TSPAN12: variants seen among roughly 807,000 people sequenced by gnomAD.
TSPAN12 encodes the protein tetraspanin-12.
In TSPAN12, 19 loss-of-function variants were observed where a neutral mutation model predicts 39.2. The observed-to-expected ratio is 0.49, with a 90% CI of 0.34 to 0.71. The LOEUF (loss-of-function observed/expected upper bound fraction) is 0.71. Among genes scored for constraint, TSPAN12 ranks in the 30% least tolerant of loss-of-function variants. TSPAN12 has a pLI of 0.01. For missense variants in TSPAN12, 314 were observed against 359.9 expected, an observed-to-expected ratio of 0.87 and a Z score of 1.03; for synonymous variants, 119 against 124.8, an observed-to-expected ratio of 0.95 and a Z score of 0.31.
intron 4 of TSPAN12, among the ~76,000 whole-genome samples, chr7:120,826,728 T>C (rs1794295137): frequency 6.6e-6 from 1 of 152,234 alleles, no homozygotes; most frequent in East Asian, 1.9e-4. Flanking sequence ...TTATTTTTAT[T>C]AAATTTTTTT....
Position 120,788,701 on chromosome 7 carries a change from T to G in TSPAN12, c.809A>C (p.His270Pro). 1 of 1,614,134 alleles carries G rather than the reference T, an allele frequency of 6.2e-7. No homozygotes were observed. The highest frequency in any genetic ancestry group is 8.5e-7 in the Non-Finnish European group (1 of 1,179,998). The change falls in exon 8 of 8, where the codon CAC (histidine) becomes CCC (proline). Residue 270 changes from histidine (H) to proline (P), a missense_variant. By Grantham distance (77) the His-to-Pro change is moderately conservative. Transcript: ENST00000222747. ...MMSLKNDNSQ[H>P]LSCPSVELLK... ...CAGTTCTACTGAGGGACATGACAGG[T>G]GCTGAGAGTTGTCATTCTTCAAGGA...
chr7:120,789,208 T>G (rs945379729), intron 7 of TSPAN12, among the ~76,000 whole-genome samples: 13 of 152,184 alleles, frequency 8.5e-5, no homozygotes, highest in African/African-American at 2.7e-4. Flanking sequence ...TTTCTTTTTT[T>G]AGAGAGACAG....
chr7:120,810,176 A>C (rs1247183796), intron 6 of TSPAN12, among the ~76,000 whole-genome samples: 1 of 152,202 alleles, frequency 6.6e-6, no homozygotes, highest in East Asian at 1.9e-4. Flanking sequence ...TATCAAGTTA[A>C]CTCTCATAAA....
chr7:120,793,582 T>A (rs1793575142), intron 7 of TSPAN12, among the ~76,000 whole-genome samples: 2 of 152,210 alleles, frequency 1.3e-5, no homozygotes, highest in African/African-American at 4.8e-5. Context: ...ACTTCAGTCC[T>A]CAAATTTGTC....
Position 120,815,665 on chromosome 7 carries a change from A to T in TSPAN12, c.360+64T>A, listed in dbSNP as rs899610321. 5.7e-6 allele frequency: 8 copies of T among 1,401,768 alleles called. No individual in the cohort carries two copies. The African/African-American group carries it at 1.1e-4, about 20-fold the overall frequency. 86.8% of individuals were successfully genotyped at this position (1,401,768 alleles called of 1,614,324 possible). A position where few individuals can be genotyped will look rare whatever the true frequency, so the allele number is the denominator to read the frequency against. ...TAGCGGAGTGAAAATGAACTAACACAAGTATCTAATTTAAAAGGCTGAACT... is the reference window on the plus strand; with the variant it reads ...TAGCGGAGTGAAAATGAACTAACACTAGTATCTAATTTAAAAGGCTGAACT... On this transcript the variant is annotated intron_variant, in intron 5 of 7. Coordinates refer to ENST00000222747, the MANE Select transcript of TSPAN12 (RefSeq NM_012338.4).
rs369042008 is a variant in TSPAN12, at chr7:120,800,231, A to G, written c.612+6318T>C. ...AAACATCATACAACACTCAACGGAGAGAATAAAACCCTCAAACAGCCCATC... is the reference window on the plus strand; with the variant it reads ...AAACATCATACAACACTCAACGGAGGGAATAAAACCCTCAAACAGCCCATC... On this transcript the variant is annotated intron_variant, in intron 7 of 7. Coordinates refer to ENST00000222747, the MANE Select transcript of TSPAN12 (RefSeq NM_012338.4). Among the ~76,000 whole-genome samples the G allele has an allele frequency of 9.2e-5, 14 of 152,204 alleles. No individual in the cohort carries two copies. In the East Asian group the frequency reaches 1.5e-3, roughly 17 times the overall value.
intron 2 of TSPAN12, among the ~76,000 whole-genome samples, chr7:120,847,407 A>G (rs1463134481): frequency 1.3e-5 from 2 of 152,244 alleles, no homozygotes; most frequent in African/African-American, 4.8e-5. Context: ...AAGGTCTACC[A>G]GATGGACAAG....
chr7:120,857,723 C>G (rs1794902510), intron 1 of TSPAN12, 97 bp downstream of exon 1: 1 of 152,158 alleles, frequency 6.6e-6, no homozygotes, highest in Non-Finnish European at 1.5e-5. Context: ...AGCCCCAGAG[C>G]CAGCCCTTAA....
intron 4 of TSPAN12, among the ~76,000 whole-genome samples, chr7:120,838,374 C>T (rs904455133): frequency 3.3e-5 from 5 of 152,156 alleles, no homozygotes; most frequent in African/African-American, 7.2e-5. Context: ...CCATTACATA[C>T]GTCTGCTACC....
At chr7:120,853,308 G>A (rs910909010) in intron 2 of TSPAN12, among the ~76,000 whole-genome samples, 4 of 151,268 alleles carry the variant, frequency 2.6e-5, no homozygotes, top group Non-Finnish European at 5.9e-5. Flanking sequence ...TGGCCAGTAT[G>A]GTCTCAATCT....
chr7:120,835,534 G>A (rs1794460584), intron 4 of TSPAN12, among the ~76,000 whole-genome samples: 1 of 152,148 alleles, frequency 6.6e-6, no homozygotes, highest in Non-Finnish European at 1.5e-5. Context: ...TACTAGCTGT[G>A]TAGACTTAGG....
At chr7:120,839,931 C>T in intron 3 of TSPAN12, 96 bp downstream of exon 3, 1 of 1,060,660 alleles carries the variant, frequency 9.4e-7, no homozygotes, top group South Asian at 1.3e-5. Context: ...AAAACTTTTC[C>T]AAAAGATCAA....
chr7:120,857,433 A>C (rs917387344), intron 1 of TSPAN12: 1 of 147,516 alleles, frequency 6.8e-6, no homozygotes, highest in Non-Finnish European at 1.5e-5. Context: ...CCCGGCTACT[A>C]GGGTTTCTCT....
chr7:120,846,100 T>G (rs1239860875), intron 2 of TSPAN12, among the ~76,000 whole-genome samples: 1 of 151,624 alleles, frequency 6.6e-6, no homozygotes, highest in Non-Finnish European at 1.5e-5. Flanking sequence ...AGAGGAGGAG[T>G]AAGAGAGAGA....
At chr7:120,852,672 G>T (rs1794791568) in intron 2 of TSPAN12, among the ~76,000 whole-genome samples, 1 of 152,206 alleles carries the variant, frequency 6.6e-6, no homozygotes, top group Non-Finnish European at 1.5e-5. Flanking sequence ...CAGGTGGACA[G>T]CTAATCCCTT....
At position 120,788,309 on chromosome 7, in the gene TSPAN12, T is replaced by G; in HGVS notation, c.*283A>C. On this transcript the variant is annotated 3_prime_UTR_variant, in exon 8 of 8. Transcript: ENST00000222747. ...GGATGCGGAAATGCTAATCAAACCA[T>G]GCTGCCTCAAAACATAACTGTGTTC... 2.3e-6 allele frequency: 1 copy of G among 438,152 alleles called. No homozygotes were observed. The highest frequency in any genetic ancestry group is 3.7e-5 in the Admixed American group (1 of 27,300). The allele number at this position is 438,152 out of a possible 1,614,324, so 27.1% of individuals were successfully genotyped here. A position where few individuals can be genotyped will look rare whatever the true frequency, so the allele number is the denominator to read the frequency against.
At chr7:120,846,804 T>C (rs1794678635) in intron 2 of TSPAN12, among the ~76,000 whole-genome samples, 1 of 152,204 alleles carries the variant, frequency 6.6e-6, no homozygotes, top group Admixed American at 6.5e-5. Flanking sequence ...AGTACAAGTT[T>C]CTGTACAAAT....
intron 2 of TSPAN12, among the ~76,000 whole-genome samples, chr7:120,847,242 A>C (rs560992626): frequency 6.6e-6 from 1 of 151,372 alleles, no homozygotes; most frequent in Non-Finnish European, 1.5e-5. Flanking sequence ...ACAAAAAAAA[A>C]AAAAACAAAA....
At chr7:120,816,593 TG>T (rs557880764) in intron 4 of TSPAN12, among the ~76,000 whole-genome samples, 86 of 151,052 alleles carry the variant, frequency 5.7e-4, no homozygotes, top group Non-Finnish European at 9.6e-4. Flanking sequence ...CTAGCTGGAG[TG>T]GGGTGGTCAG....
Sources: allele counts gnomAD v4.1 joint callset (sites outside exome capture counted in the v4.1 genomes callset), GRCh38; gene constraint gnomAD v4.1.1; transcripts MANE v1.5; gene names NCBI Gene and HGNC (gene_info 2026-07-23, HGNC 2026-07-21).